The following CDH18 variants were observed in gnomAD, a reference collection of about 807,000 sequenced individuals.
CDH18 encodes cadherin 18.
A neutral mutation model predicts 67.9 loss-of-function variants in CDH18; 31 were observed. The observed-to-expected ratio is 0.46, with a 90% CI of 0.34 to 0.62. CDH18 has a LOEUF of 0.62. Ranked by LOEUF, CDH18 falls within the 20% of genes least tolerant of loss-of-function variation. The pLI is 0.01. For missense variants in CDH18, 890 were observed against 975.5 expected (o/e 0.91, Z 1.17); for synonymous variants, 362 against 347.2 (o/e 1.04, Z -0.48).
At chr5:19,985,441 T>C (rs1435484265) in intron 1 of CDH18, among the ~76,000 whole-genome samples, 2 of 152,054 alleles carry the variant, frequency 1.3e-5, no homozygotes, top group Admixed American at 1.3e-4. Context: ...TGGTTCTCAA[T>C]GTAATTTTGC....
At chr5:19,938,992 A>G (rs922329269) in intron 2 of CDH18, among the ~76,000 whole-genome samples, 2 of 151,082 alleles carry the variant, frequency 1.3e-5, no homozygotes, top group Non-Finnish European at 3.0e-5. Flanking sequence ...CTTAATTTAA[A>G]CTTCTAAGAA....
At chr5:19,818,566 C>T (rs948021554) in intron 3 of CDH18, among the ~76,000 whole-genome samples, 9 of 152,084 alleles carry the variant, frequency 5.9e-5, no homozygotes, top group African/African-American at 2.2e-4. Flanking sequence ...CTGAGAAGTG[C>T]ATCGTTAAGC....
chr5:20,414,257 A>G, intron 1 of CDH18, among the ~76,000 whole-genome samples: 1 of 151,656 alleles, frequency 6.6e-6, no homozygotes, highest in Admixed American at 6.6e-5. Context: ...TATTCACAAT[A>G]GTAAGTCTTG....
chr5:19,591,658 T>C (rs531435296), intron 6 of CDH18, among the ~76,000 whole-genome samples: 1 of 151,994 alleles, frequency 6.6e-6, no homozygotes, highest in Non-Finnish European at 1.5e-5. Context: ...AGTATGGAAA[T>C]ATGGAATTCA....
chr5:20,320,683 A>G (rs1470052173), intron 1 of CDH18, among the ~76,000 whole-genome samples: 1 of 152,138 alleles, frequency 6.6e-6, no homozygotes, highest in Non-Finnish European at 1.5e-5. Flanking sequence ...TTTGCTGTAT[A>G]GCAAAGGGGC....
chr5:19,503,069 G>A lies in CDH18; in HGVS notation c.1553C>T (p.Ala518Val). The A allele has an allele frequency of 6.2e-7, 1 of 1,610,472 alleles. No homozygotes were observed. Among genetic ancestry groups the A allele is most frequent in the Non-Finnish European group, 8.5e-7 (1 of 1,176,954 alleles). The change falls in exon 11 of 13, where the codon GCC (alanine) becomes GTC (valine). Residue 518 changes from alanine (A) to valine (V), a missense_variant. Physicochemically the swap from Ala to Val is moderately conservative, Grantham distance 64. This residue lies in a region of CDH18 where 656 missense variants were observed against 668.1 expected (regional missense o/e 0.98). Transcript: ENST00000382275. Reference protein sequence around the residue: ...TISATDKDDFANGPRFNFFLD... With the variant: ...TISATDKDDFVNGPRFNFFLD... ...AAAGAAGTTAAACCTTGGTCCATTGGCAAAATCATCTTTATCAGTGGCACT... is the reference window on the plus strand; with the variant it reads ...AAAGAAGTTAAACCTTGGTCCATTGACAAAATCATCTTTATCAGTGGCACT...
chr5:19,926,600 C>T (rs1249238478), intron 2 of CDH18, among the ~76,000 whole-genome samples: 1 of 152,064 alleles, frequency 6.6e-6, no homozygotes, highest in East Asian at 1.9e-4. Context: ...AAAACAGCTT[C>T]ATCTTTCTAA....
chr5:20,470,197 A>G (rs1751948533), intron 1 of CDH18, among the ~76,000 whole-genome samples: 1 of 152,036 alleles, frequency 6.6e-6, no homozygotes. Flanking sequence ...TTTCTCTTCC[A>G]TCAAAATCAA....
intron 1 of CDH18, among the ~76,000 whole-genome samples, chr5:20,553,547 G>A (rs1581191566): frequency 6.6e-6 from 1 of 152,240 alleles, no homozygotes; most frequent in African/African-American, 2.4e-5. Context: ...TATTACAGAT[G>A]AAGAATCTTG....
chr5:19,921,835 A>G (rs1792515916), intron 2 of CDH18, among the ~76,000 whole-genome samples: 1 of 152,194 alleles, frequency 6.6e-6, no homozygotes, highest in Non-Finnish European at 1.5e-5. Flanking sequence ...AGAAATTCTC[A>G]TAATTCTCCA....
intron 1 of CDH18, among the ~76,000 whole-genome samples, chr5:20,346,833 G>A (rs1196974209): frequency 6.6e-6 from 1 of 152,186 alleles, no homozygotes; most frequent in Non-Finnish European, 1.5e-5. Flanking sequence ...AATGCATCAA[G>A]TGTAATTGAA....
At chr5:20,557,590 G>T (rs1757974243) in intron 1 of CDH18, among the ~76,000 whole-genome samples, 1 of 151,928 alleles carries the variant, frequency 6.6e-6, no homozygotes, top group Admixed American at 6.6e-5. Flanking sequence ...ACTAAATATG[G>T]ATCATTGTGT....
rs1185912577 is a variant in CDH18 at position 19,890,679 on chromosome 5, C to T, written c.-256-51437G>A. Among the ~76,000 whole-genome samples, 18 of 151,500 alleles carry T rather than the reference C, an allele frequency of 1.2e-4. No individual in the cohort carries two copies. The East Asian group carries it at 3.1e-3, about 26-fold the overall frequency. ...GCATAATCTTGGCTCACTGCAACCT[C>T]CGCATCCTGGGTTCAAGTGATTCTC... On this transcript the variant is annotated intron_variant, in intron 2 of 12. Coordinates refer to ENST00000382275, the MANE Select transcript of CDH18 (RefSeq NM_004934.5).
intron 1 of CDH18, among the ~76,000 whole-genome samples, chr5:20,301,020 G>A (rs1326833160): frequency 6.6e-6 from 1 of 152,084 alleles, no homozygotes; most frequent in Non-Finnish European, 1.5e-5. Flanking sequence ...ACAAAAGAGG[G>A]GTGAACGGGT....
At chr5:19,777,554 A>G (rs1358679872) in intron 3 of CDH18, among the ~76,000 whole-genome samples, 2 of 152,230 alleles carry the variant, frequency 1.3e-5, no homozygotes, top group East Asian at 3.9e-4. Context: ...AGAATCAGGC[A>G]CTACGTTTGA....
intron 5 of CDH18, among the ~76,000 whole-genome samples, chr5:19,681,786 A>C (rs964179255): frequency 6.6e-6 from 1 of 151,940 alleles, no homozygotes. Flanking sequence ...CTGTTATAGA[A>C]TATTCACCTT....
intron 1 of CDH18, among the ~76,000 whole-genome samples, chr5:20,399,324 T>A (rs994716725): frequency 6.6e-6 from 1 of 152,024 alleles, no homozygotes; most frequent in African/African-American, 2.4e-5. Context: ...TATGTCCACA[T>A]AACAAAAAGG....
intron 1 of CDH18, among the ~76,000 whole-genome samples, chr5:20,414,867 A>T (rs905691242): frequency 3.9e-5 from 6 of 152,190 alleles, no homozygotes; most frequent in Non-Finnish European, 8.8e-5. Flanking sequence ...GAGAAATTGG[A>T]ACCCTTGTGC....
chr5:20,483,292 T>A, intron 1 of CDH18, among the ~76,000 whole-genome samples: 1 of 152,026 alleles, frequency 6.6e-6, no homozygotes, highest in East Asian at 1.9e-4. Context: ...GAAAAAGATA[T>A]TCCATATTTT....
Sources: gnomAD v4.1 joint callset for allele counts (sites outside exome capture counted in the v4.1 genomes callset) on GRCh38, gnomAD v4.1.1 for gene constraint, gnomAD v4.1.1 regional missense constraint, MANE v1.5 for transcripts, NCBI Gene and HGNC (gene_info 2026-07-23, HGNC 2026-07-21) for gene names.